GPC6: variants seen among roughly 807,000 people sequenced by gnomAD.
The protein encoded by GPC6 is glypican 6, also known as glypican-6.
GPC6 carries 14 observed loss-of-function variants against 55.2 expected under a neutral mutation model. The ratio of observed to expected loss-of-function variants is 0.25; its 90% CI spans 0.17 to 0.40. The LOEUF is 0.40. Ranked by LOEUF, GPC6 falls within the 10% of genes least tolerant of loss-of-function variation. The pLI, the probability that GPC6 is intolerant of heterozygous loss-of-function variation, is 1.00. For missense variants in GPC6, 641 were observed against 708.5 expected (o/e 0.90, Z 1.08); for synonymous variants, 278 against 259.6 (o/e 1.07, Z -0.68).
At chr13:93,379,774 A>G (rs1264420004) in intron 1 of GPC6, among the ~76,000 whole-genome samples, 4 of 152,158 alleles carry the variant, frequency 2.6e-5, no homozygotes, top group African/African-American at 9.6e-5. Flanking sequence ...GCAGTGGGAA[A>G]ATAAATATAT....
chr13:93,427,660 A>T (rs1287250730), intron 1 of GPC6, among the ~76,000 whole-genome samples: 2 of 152,134 alleles, frequency 1.3e-5, no homozygotes, highest in Admixed American at 6.6e-5. Context: ...TATCCTCTTC[A>T]TCTTATTTAT....
intron 1 of GPC6, among the ~76,000 whole-genome samples, chr13:93,333,413 T>C (rs1879922116): frequency 6.6e-6 from 1 of 152,178 alleles, no homozygotes; most frequent in African/African-American, 2.4e-5. Context: ...AGATGTTTCA[T>C]CTCTTTGGTT....
At position 93,298,795 on chromosome 13, in the gene GPC6, G is replaced by T. The variant is rs572085234; in HGVS notation, c.160+71179G>T. 2.6e-4 allele frequency among the ~76,000 whole-genome samples: 39 copies of T among 151,598 alleles called. No individual in the cohort carries two copies. In the South Asian group the frequency reaches 7.7e-3, roughly 30 times the overall value. On this transcript the variant is annotated intron_variant, in intron 1 of 8. Coordinates refer to ENST00000377047, the MANE Select transcript of GPC6 (RefSeq NM_005708.5). ...CATCCCCTGCGTACTGCCTGACGTG[G>T]ATTTTCTCTCTCTGGGAGTCTAGGT...
At chr13:93,856,203 A>G (rs2139019445) in intron 3 of GPC6, among the ~76,000 whole-genome samples, 1 of 151,614 alleles carries the variant, frequency 6.6e-6, no homozygotes, top group Middle Eastern at 3.4e-3. Flanking sequence ...ATGCTTCCCA[A>G]AATAATCTTA....
At chr13:93,413,060 T>C (rs756939039) in intron 1 of GPC6, among the ~76,000 whole-genome samples, 10 of 152,200 alleles carry the variant, frequency 6.6e-5, no homozygotes, top group Non-Finnish European at 1.5e-4. Flanking sequence ...AGATGTTGTT[T>C]ATAAAGACAG....
intron 3 of GPC6, among the ~76,000 whole-genome samples, chr13:93,886,989 T>C (rs1218271149): frequency 6.6e-6 from 1 of 151,998 alleles, no homozygotes; most frequent in East Asian, 1.9e-4. Context: ...TTCACTTTTT[T>C]TGTTTAACTC....
chr13:93,363,238 C>G (rs1172634137), intron 1 of GPC6, among the ~76,000 whole-genome samples: 1 of 151,374 alleles, frequency 6.6e-6, no homozygotes, highest in East Asian at 2.0e-4. Flanking sequence ...CACCCACTAA[C>G]TCATCATCTA....
chr13:93,987,228 G>T (rs573211970), intron 3 of GPC6, among the ~76,000 whole-genome samples: 28 of 152,088 alleles, frequency 1.8e-4, no homozygotes, highest in Non-Finnish European at 3.4e-4. Flanking sequence ...TAAACAACTC[G>T]TTGGACCAGA....
At chr13:93,577,999 G>T (rs547756389) in intron 2 of GPC6, among the ~76,000 whole-genome samples, 1 of 151,962 alleles carries the variant, frequency 6.6e-6, no homozygotes, top group East Asian at 1.9e-4. Context: ...TGTTTATGTG[G>T]TGTGTCATAT....
At chr13:93,567,369 T>G (rs1256929010) in intron 2 of GPC6, among the ~76,000 whole-genome samples, 1 of 152,198 alleles carries the variant, frequency 6.6e-6, no homozygotes, top group Admixed American at 6.6e-5. Flanking sequence ...AAAGATTATT[T>G]GAAGTAGCGC....
At chr13:93,641,425 C>G (rs987004343) in intron 2 of GPC6, among the ~76,000 whole-genome samples, 1 of 152,062 alleles carries the variant, frequency 6.6e-6, no homozygotes, top group Non-Finnish European at 1.5e-5. Context: ...GTTTATCAAT[C>G]CTTACTGAGC....
intron 1 of GPC6, among the ~76,000 whole-genome samples, chr13:93,494,537 T>G (rs1183706322): frequency 1.3e-5 from 2 of 152,190 alleles, no homozygotes; most frequent in Admixed American, 6.5e-5. Context: ...AAAGTTAATA[T>G]TGTTATGTGG....
At chr13:94,018,230 T>G (rs1882554187) in intron 3 of GPC6, among the ~76,000 whole-genome samples, 1 of 152,204 alleles carries the variant, frequency 6.6e-6, no homozygotes, top group African/African-American at 2.4e-5. Flanking sequence ...TGACAGTTTC[T>G]TATGTTGAAT....
chr13:93,408,345 A>G (rs1876371578), intron 1 of GPC6, among the ~76,000 whole-genome samples: 1 of 152,166 alleles, frequency 6.6e-6, no homozygotes, highest in South Asian at 2.1e-4. Flanking sequence ...GTGTAACAGG[A>G]TGGGTACAGC....
chr13:93,307,467 GA>G (rs910243409), intron 1 of GPC6, among the ~76,000 whole-genome samples: 1 of 152,018 alleles, frequency 6.6e-6, no homozygotes, highest in African/African-American at 2.4e-5. Context: ...TGTGCAAGGG[GA>G]AAAGTTAAAA....
At position 93,368,337 on chromosome 13, in the gene GPC6, T is replaced by TTTCCTTCCTTCC. The variant is rs768601581; in HGVS notation, c.160+140762_160+140773dup. On this transcript the variant is annotated intron_variant, in intron 1 of 8. Transcript: ENST00000377047. ...CTTCCCTCCTTCCCTCCCTCCCTGC[T>TTTCCTTCCTTCC]TTCCTTCCTTCCTTCCTTCCTTCCT... Among the ~76,000 whole-genome samples the TTTCCTTCCTTCC allele has an allele frequency of 7.7e-3, 713 of 92,548 alleles. 15 individuals carry two copies. The highest frequency in any genetic ancestry group is 0.027 in the African/African-American group (590 of 21,856). 60.7% of individuals were successfully genotyped at this position (92,548 alleles called of 152,430 possible).
intron 4 of GPC6, among the ~76,000 whole-genome samples, chr13:94,171,787 C>T (rs919044550): frequency 1.3e-5 from 2 of 152,088 alleles, no homozygotes; most frequent in Non-Finnish European, 2.9e-5. Flanking sequence ...AGCACAACTG[C>T]GTGCTTCAGT....
chr13:93,480,335 T>C (rs765311029), intron 1 of GPC6, among the ~76,000 whole-genome samples: 4 of 152,230 alleles, frequency 2.6e-5, no homozygotes, highest in Non-Finnish European at 4.4e-5. Context: ...AATTTAGTTA[T>C]ATTTTCTCTT....
At chr13:94,187,742 AATAAG>A (rs1176062786) in intron 4 of GPC6, 26 of 152,346 alleles carry the variant, frequency 1.7e-4, no homozygotes, top group African/African-American at 4.6e-4. Flanking sequence ...AAAGACCAAA[AATAAG>A]ATAAGAAAAC....
Sources: gnomAD v4.1 joint callset for allele counts (sites outside exome capture counted in the v4.1 genomes callset) on GRCh38, gnomAD v4.1.1 for gene constraint, MANE v1.5 for transcripts, NCBI Gene and HGNC (gene_info 2026-07-23, HGNC 2026-07-21) for gene names.